CACNA1E: variants seen among roughly 807,000 people sequenced by gnomAD.
CACNA1E encodes the protein calcium voltage-gated channel subunit alpha1 E, also known as voltage-dependent R-type calcium channel subunit alpha-1E.
CACNA1E carries 40 observed loss-of-function variants against 259.2 expected under a neutral mutation model. The ratio of observed to expected loss-of-function variants is 0.15; its 90% CI spans 0.12 to 0.20. The LOEUF (loss-of-function observed/expected upper bound fraction) is 0.20. Ranked by LOEUF, CACNA1E falls within the 10% of genes least tolerant of loss-of-function variation. CACNA1E has a pLI of 1.00. For synonymous variants in CACNA1E, 1,104 were observed against 1,138.5 expected, an observed-to-expected ratio of 0.97 and a Z score of 0.61; for missense variants, 1,874 against 3,040.1, an observed-to-expected ratio of 0.62 and a Z score of 9.02.
intron 2 of CACNA1E, among the ~76,000 whole-genome samples, chr1:181,439,456 G>A (rs1174888924): frequency 6.6e-6 from 1 of 151,744 alleles, no homozygotes; most frequent in Admixed American, 6.6e-5. Context: ...AAATTGCTCC[G>A]AGTTGCTTGT....
chr1:181,732,984 T>C lies in CACNA1E; in HGVS notation c.2898T>C (p.His966=). The change falls in exon 20 of 48, where the codon CAT becomes CAC. Residue 966 remains histidine, a synonymous_variant. Coordinates refer to ENST00000367573, the MANE Select transcript of CACNA1E (RefSeq NM_001205293.3). The surrounding 1 kb of genome is among the most constrained non-coding windows in gnomAD (Gnocchi z 5.5). ...GEKDHELRGN[H]GAKEPTIQEE... ...AGGACCATGAGCTCAGGGGCAACCA[T>C]GGTGCCAAGGAGCCAACGATCCAAG... 6.2e-7 allele frequency: 1 copy of C among 1,613,342 alleles called. No homozygotes were observed. Among genetic ancestry groups the C allele is most frequent in the Non-Finnish European group, 8.5e-7 (1 of 1,179,654 alleles).
chr1:181,587,577 A>G (rs1479734585), intron 6 of CACNA1E, among the ~76,000 whole-genome samples: 2 of 152,068 alleles, frequency 1.3e-5, no homozygotes, highest in Non-Finnish European at 2.9e-5. Flanking sequence ...TGGATTATAG[A>G]CCGTTTTTAA....
In CACNA1E at chr1:181,737,507, C is replaced by T. The variant is rs1487892989; in HGVS notation, c.3423-18C>T. The T allele has an allele frequency of 1.2e-6, 2 of 1,613,292 alleles. No individual in the cohort carries two copies. The highest frequency in any genetic ancestry group is 1.7e-6 in the Non-Finnish European group (2 of 1,179,532). On this transcript the variant is annotated intron_variant, in intron 22 of 47. Coordinates refer to ENST00000367573, the MANE Select transcript of CACNA1E (RefSeq NM_001205293.3). Reference sequence around the variant, plus strand: ...GTGGTGGGGAGTGGGCCAGCTCAGCCATGCCCACTGCCCGCAGGATCCGGA... The same window carrying T: ...GTGGTGGGGAGTGGGCCAGCTCAGCTATGCCCACTGCCCGCAGGATCCGGA...
At chr1:181,386,459 C>T (rs987177235) in intron 1 of CACNA1E, among the ~76,000 whole-genome samples, 10 of 152,256 alleles carry the variant, frequency 6.6e-5, no homozygotes, top group African/African-American at 2.4e-4. Context: ...GTCTGAGCCA[C>T]AGTAGGCAGT....
At chr1:181,709,429 A>C (rs2102416310) in intron 7 of CACNA1E, among the ~76,000 whole-genome samples, 1 of 152,280 alleles carries the variant, frequency 6.6e-6, no homozygotes, top group East Asian at 1.9e-4. Context: ...GCTGTACCCA[A>C]GGACACCAGC....
rs1662317608 is a variant in CACNA1E, at chr1:181,802,084, A to T, written c.*3250A>T. 1 of 152,238 alleles carries T rather than the reference A, an allele frequency of 6.6e-6. No homozygotes were observed. Among genetic ancestry groups the T allele is most frequent in the African/African-American group, 2.4e-5 (1 of 41,458 alleles). 9.4% of individuals were successfully genotyped at this position (152,238 alleles called of 1,614,324 possible). On this transcript the variant is annotated 3_prime_UTR_variant, in exon 48 of 48. Coordinates refer to ENST00000367573, the MANE Select transcript of CACNA1E (RefSeq NM_001205293.3). Reference sequence around the variant, plus strand: ...GACAGAGTGCCAGCGACCTCTGGACAGGGGCAGGGCTCCAGCCAAGGTGCC... The same window carrying T: ...GACAGAGTGCCAGCGACCTCTGGACTGGGGCAGGGCTCCAGCCAAGGTGCC...
intron 7 of CACNA1E, among the ~76,000 whole-genome samples, chr1:181,709,504 C>T (rs1653122077): frequency 2.0e-5 from 3 of 152,302 alleles, no homozygotes; most frequent in Non-Finnish European, 2.9e-5. Flanking sequence ...GGTAGACTGG[C>T]GTCTTCCCTT....
chr1:181,387,145 G>A (rs1280387915), intron 1 of CACNA1E, among the ~76,000 whole-genome samples: 2 of 152,044 alleles, frequency 1.3e-5, no homozygotes, highest in Non-Finnish European at 2.9e-5. Context: ...ACCTCTGGGA[G>A]CCCTTCCAGA....
intron 35 of CACNA1E, among the ~76,000 whole-genome samples, 191 bp from the exon 36 acceptor site, chr1:181,771,102 G>A (rs1428050362): frequency 6.6e-6 from 1 of 152,164 alleles, no homozygotes; most frequent in Non-Finnish European, 1.5e-5. Context: ...CTGCACTAGA[G>A]CAGTGGAGGA....
chr1:181,427,824 C>T (rs1237958116), intron 2 of CACNA1E, among the ~76,000 whole-genome samples: 1 of 135,716 alleles, frequency 7.4e-6, no homozygotes, highest in Non-Finnish European at 1.6e-5. Context: ...CTGTGATGAA[C>T]ATGAAATTAT....
chr1:181,671,143 C>T (rs1648753356), intron 7 of CACNA1E, among the ~76,000 whole-genome samples: 1 of 152,166 alleles, frequency 6.6e-6, no homozygotes, highest in South Asian at 2.1e-4. Flanking sequence ...AAGGGATTCT[C>T]CCACCTCAAC....
intron 1 of CACNA1E, among the ~76,000 whole-genome samples, chr1:181,397,678 G>T (rs1373063130): frequency 6.6e-6 from 1 of 152,174 alleles, no homozygotes; most frequent in Admixed American, 6.5e-5. Flanking sequence ...ACTTTTGTAT[G>T]GGCTACATCA....
At chr1:181,771,237 G>A in intron 35 of CACNA1E, 56 bp from the exon 36 acceptor site, 1 of 995,514 alleles carries the variant, frequency 1.0e-6, no homozygotes, top group Non-Finnish European at 1.6e-6. Context: ...CTCATGTGCT[G>A]GACACATCAC....
chr1:181,706,047 C>T (rs566113014), intron 7 of CACNA1E, among the ~76,000 whole-genome samples: 1 of 152,132 alleles, frequency 6.6e-6, no homozygotes, highest in Non-Finnish European at 1.5e-5. Flanking sequence ...CTGGATAGAA[C>T]AAATGAAAAG....
chr1:181,736,271 G>A lies in CACNA1E; in HGVS notation c.3263-4G>A, dbSNP rs1236699753. On this transcript the variant is annotated splice_polypyrimidine_tract_variant and splice_region_variant and intron_variant, in intron 21 of 47. Transcript: ENST00000367573. ...CTGAAGATTTCAACGTGTTCCTCTT[G>A]CAGTTAGCAACAAGACGGATGGGGA... The A allele has an allele frequency of 6.3e-7, 1 of 1,581,306 alleles. No individual in the cohort carries two copies. Among genetic ancestry groups the A allele is most frequent in the Non-Finnish European group, 8.6e-7 (1 of 1,163,174 alleles).
At position 181,776,241 on chromosome 1, in the gene CACNA1E, C is replaced by T. The variant is rs779383260; in HGVS notation, c.5267+13C>T. Reference sequence around the variant, plus strand: ...ACCGAGCAGCATGGTGCGTAGGCCCCTCGGCCGCCCCAGCGGGGCCCAGAG... The same window carrying T: ...ACCGAGCAGCATGGTGCGTAGGCCCTTCGGCCGCCCCAGCGGGGCCCAGAG... On this transcript the variant is annotated intron_variant, in intron 38 of 47. Transcript: ENST00000367573. The surrounding 1 kb of genome is among the most constrained non-coding windows in gnomAD (Gnocchi z 4.4). 7 of 1,613,736 alleles carry T rather than the reference C, an allele frequency of 4.3e-6. No individual in the cohort carries two copies. Among genetic ancestry groups the T allele is most frequent in the Non-Finnish European group, 5.9e-6 (7 of 1,179,716 alleles).
chr1:181,712,759 T>C (rs937889587), intron 8 of CACNA1E, among the ~76,000 whole-genome samples: 3 of 152,004 alleles, frequency 2.0e-5, no homozygotes, highest in Non-Finnish European at 4.4e-5. Context: ...GGAAGGCAGC[T>C]TGATGGTCCC....
intron 40 of CACNA1E, among the ~76,000 whole-genome samples, chr1:181,784,371 G>C (rs922664427): frequency 6.6e-6 from 1 of 152,188 alleles, no homozygotes; most frequent in East Asian, 1.9e-4. Flanking sequence ...TTTCTCCTCT[G>C]ATGTATTGAG....
At chr1:181,355,487 C>T (rs1249726799) in intron 1 of CACNA1E, among the ~76,000 whole-genome samples, 3 of 152,098 alleles carry the variant, frequency 2.0e-5, no homozygotes, top group African/African-American at 7.2e-5. Flanking sequence ...ACTCGGGAGG[C>T]TAAGGCAGGA....
Sources: allele counts gnomAD v4.1 joint callset (sites outside exome capture counted in the v4.1 genomes callset), GRCh38; gene constraint gnomAD v4.1.1; non-coding constraint Gnocchi (gnomAD v3.1); transcripts MANE v1.5; gene names NCBI Gene and HGNC (gene_info 2026-07-23, HGNC 2026-07-21).